Variants in SAAL1 observed in about 807,000 individuals in gnomAD.
SAAL1 encodes the protein protein SAAL1.
A neutral mutation model predicts 59.8 loss-of-function variants in SAAL1; 42 were observed. The observed-to-expected ratio is 0.70, with a 90% CI of 0.55 to 0.91. SAAL1 has a LOEUF of 0.91. SAAL1 is among the 40% of genes least tolerant of loss of function. The pLI, the probability that SAAL1 is intolerant of heterozygous loss-of-function variation, is 0.00. For synonymous variants in SAAL1, 191 were observed against 194.3 expected (o/e 0.98, Z 0.14); for missense variants, 542 against 561.1 (o/e 0.97, Z 0.34).
At chr11:18,086,841 T>C (rs763887471) in intron 9 of SAAL1, 25 bp downstream of exon 9, 2 of 1,443,960 alleles carry the variant, frequency 1.4e-6, no homozygotes, top group South Asian at 3.2e-5. Context: ...TGAAAAACAG[T>C]ATGAGCCTGG....
chr11:18,090,325 C>CAAAA, intron 5 of SAAL1, 35 bp from the exon 6 acceptor site: 56 of 1,294,232 alleles, frequency 4.3e-5, no homozygotes, highest in African/African-American at 2.3e-4. Context: ...TTCTACTTTT[C>CAAAA]AAAAAAAAAA....
chr11:18,091,863 G>T (rs1166127550), intron 4 of SAAL1, among the ~76,000 whole-genome samples: 1 of 152,142 alleles, frequency 6.6e-6, no homozygotes, highest in Non-Finnish European at 1.5e-5. Context: ...AGAGCTCTCA[G>T]GATGACATTA....
At chr11:18,095,535 T>C (rs970840661) in intron 3 of SAAL1, among the ~76,000 whole-genome samples, 12 of 152,252 alleles carry the variant, frequency 7.9e-5, no homozygotes, top group African/African-American at 2.4e-4. Context: ...AAGTCAGGCC[T>C]AGGCTGAAAT....
rs1210067975 is a variant in SAAL1 at position 18,096,711 on chromosome 11, T to C, written c.333+60A>G. The C allele has an allele frequency of 4.6e-6, 4 of 867,364 alleles. No homozygotes were observed. In the East Asian group the frequency reaches 7.3e-5, roughly 16 times the overall value. 53.7% of individuals were successfully genotyped at this position (867,364 alleles called of 1,614,324 possible). On this transcript the variant is annotated intron_variant, in intron 3 of 11. Transcript: ENST00000524803. ...TCAAAGTGAGAAAAATAAAAGACTA[T>C]CCAGCACTATCTGTTCTTATTGCTT... is the stretch of plus-strand genomic sequence containing the variant.
At position 18,080,421 on chromosome 11, in the gene SAAL1, G is replaced by A. The variant is rs373100075; in HGVS notation, c.1403C>T (p.Pro468Leu). 1.3e-6 allele frequency: 2 copies of A among 1,594,238 alleles called. No individual in the cohort carries two copies. The highest frequency in any genetic ancestry group is 2.7e-5 in the African/African-American group (2 of 73,466). ...ALADDLEKNF[P>L]SLKVQT ...GTTTTAAGTCTGAACCTTCAAACTT[G>A]GGAAGTTTTTTTCCAAGTCATCAGC... is the stretch of plus-strand genomic sequence containing the variant. Residue 468 changes from proline to leucine, a missense_variant, in exon 12 of 12, where the codon CCA (proline) becomes CTA (leucine). Pro to Leu is a moderately conservative substitution (Grantham distance 98). Coordinates refer to ENST00000524803, the MANE Select transcript of SAAL1 (RefSeq NM_138421.3).
At chr11:18,085,004 A>C (rs1848448115) in intron 9 of SAAL1, among the ~76,000 whole-genome samples, 1 of 152,168 alleles carries the variant, frequency 6.6e-6, no homozygotes, top group Non-Finnish European at 1.5e-5. Flanking sequence ...GACCTCAGGT[A>C]ATCTGCCCGC....
intron 1 of SAAL1, 128 bp from the exon 2 acceptor site, chr11:18,103,474 C>A (rs1049418251): frequency 1.4e-6 from 1 of 713,936 alleles, no homozygotes; most frequent in Non-Finnish European, 2.5e-6. Context: ...TGATTCCTGG[C>A]CAGGGCCACT....
At chr11:18,084,115 T>TAG (rs1395325475) in intron 9 of SAAL1, among the ~76,000 whole-genome samples, 1 of 152,122 alleles carries the variant, frequency 6.6e-6, no homozygotes, top group Non-Finnish European at 1.5e-5. Context: ...GATGGGCGGG[T>TAG]AGCTTGAGCC....
chr11:18,096,142 C>T (rs1848573305), intron 3 of SAAL1, among the ~76,000 whole-genome samples: 1 of 152,150 alleles, frequency 6.6e-6, no homozygotes, highest in Admixed American at 6.5e-5. Flanking sequence ...GTTCCTTGTT[C>T]TGATACATAC....
At position 18,103,327 on chromosome 11, in the gene SAAL1, G is replaced by T. The variant is rs747165607; in HGVS notation, c.155C>A (p.Thr52Asn). 2 of 1,613,270 alleles carry T rather than the reference G, an allele frequency of 1.2e-6. No individual in the cohort carries two copies. Among genetic ancestry groups the T allele is most frequent in the Admixed American group, 1.7e-5 (1 of 60,020 alleles). ...GLIQIVSPEN[T>N]KSSSDDEEQL... ...CTCCTCATCATCTGAGCTAGATTTG[G>T]TGTTTTCAGGGCTAACAATCTTCAG... The change falls in exon 2 of 12, where the codon ACC (threonine) becomes AAC (asparagine). Residue 52 changes from threonine to asparagine, a missense_variant. Thr to Asn is a moderately conservative substitution (Grantham distance 65). Transcript: ENST00000524803.
At chr11:18,091,152 G>C (rs1175125815) in intron 4 of SAAL1, among the ~76,000 whole-genome samples, 1 of 152,150 alleles carries the variant, frequency 6.6e-6, no homozygotes, top group Non-Finnish European at 1.5e-5. Context: ...TTTGTTAAGA[G>C]TTATCCTGAT....
In SAAL1 at chr11:18,101,820, TA is replaced by T. The variant is rs58015469; in HGVS notation, c.249+1412del. 5.1e-3 allele frequency among the ~76,000 whole-genome samples: 574 copies of T among 113,138 alleles called. 3 individuals are homozygous for T. Among genetic ancestry groups the T allele is most frequent in the Admixed American group, 8.7e-3 (89 of 10,192 alleles). 74.2% of individuals were successfully genotyped at this position (113,138 alleles called of 152,430 possible). Reference sequence around the variant, plus strand: ...CATATAATGGAATACCATTCAGCAATAAAAAAAAAAAAAAAAGCCACTGATA... The same window carrying T: ...CATATAATGGAATACCATTCAGCAATAAAAAAAAAAAAAAAGCCACTGATA... On this transcript the variant is annotated intron_variant, in intron 2 of 11. Coordinates refer to ENST00000524803, the MANE Select transcript of SAAL1 (RefSeq NM_138421.3).
intron 4 of SAAL1, among the ~76,000 whole-genome samples, chr11:18,091,312 T>A (rs1249722686): frequency 6.6e-6 from 1 of 152,240 alleles, no homozygotes; most frequent in Non-Finnish European, 1.5e-5. Flanking sequence ...CACACTAATA[T>A]TAAGACAAGC....
Position 18,090,274 on chromosome 11 carries a change from G to A in SAAL1, c.490C>T (p.Leu164Phe), listed in dbSNP as rs1370822438. Residue 164 changes from leucine (L) to phenylalanine (F), a missense_variant, in exon 6 of 12, where the codon CTT (leucine) becomes TTT (phenylalanine). Coordinates refer to ENST00000524803, the MANE Select transcript of SAAL1 (RefSeq NM_138421.3). ...ACACTGGCCACTTCTGCCTGGGAAA[G>A]GCAAGTAAGCAACAACCTACATGGT... ...LETSRLLLTC[L>F]SQAEVASVWV... The A allele has an allele frequency of 1.2e-6, 2 of 1,603,564 alleles. No individual in the cohort carries two copies. Among genetic ancestry groups the A allele is most frequent in the Admixed American group, 1.7e-5 (1 of 57,792 alleles).
At chr11:18,085,020 C>A (rs1848448372) in intron 9 of SAAL1, among the ~76,000 whole-genome samples, 1 of 152,150 alleles carries the variant, frequency 6.6e-6, no homozygotes, top group Admixed American at 6.5e-5. Flanking sequence ...CCCGCCTCAG[C>A]CTCCCAAAGT....
In SAAL1 at chr11:18,083,637, CT is replaced by C; in HGVS notation, c.1136del (p.Glu379GlyfsTer8). The C allele has an allele frequency of 6.2e-7, 1 of 1,610,032 alleles. No homozygotes were observed. Among genetic ancestry groups the C allele is most frequent in the Middle Eastern group, 1.7e-4 (1 of 6,050 alleles). On this transcript the variant is annotated frameshift_variant, in exon 10 of 12. Coordinates refer to ENST00000524803, the MANE Select transcript of SAAL1 (RefSeq NM_138421.3). LOFTEE classifies it high-confidence loss of function. The part of the protein sequence containing the change: ...KPENSAESNT[E>X]ETKRTDLTQD... ...GGGTTAAATCAGTCCTTTTAGTTTC[CT>C]CTGTGTTAGACTCTGCCGAGTTCTC... is the stretch of plus-strand genomic sequence containing the variant.
chr11:18,094,845 C>T (rs1305260665), intron 3 of SAAL1, among the ~76,000 whole-genome samples: 3 of 152,112 alleles, frequency 2.0e-5, no homozygotes, highest in African/African-American at 4.8e-5. Context: ...CCCTTATAAA[C>T]TAAAGAGGGA....
chr11:18,083,523 C>A lies in SAAL1; in HGVS notation c.1239+12G>T, dbSNP rs1429729399. ...TCTTTTGCTTATGACATCATCAATA[C>A]TTCTTTCCTACCTTTGTTAATGCCT... On this transcript the variant is annotated intron_variant, in intron 10 of 11. Coordinates refer to ENST00000524803, the MANE Select transcript of SAAL1 (RefSeq NM_138421.3). The A allele has an allele frequency of 4.0e-6, 6 of 1,508,826 alleles. No individual in the cohort carries two copies. Among genetic ancestry groups the A allele is most frequent in the African/African-American group, 1.4e-5 (1 of 72,522 alleles). The allele number at this position is 1,508,826 out of a possible 1,614,324, so 93.5% of individuals were successfully genotyped here.
intron 1 of SAAL1, 44 bp downstream of exon 1, chr11:18,105,863 T>G (rs1389233635): frequency 6.6e-7 from 1 of 1,523,270 alleles, no homozygotes; most frequent in Non-Finnish European, 8.8e-7. Flanking sequence ...CCCCGGTGCC[T>G]GGGGGATGTA....
Sources: gnomAD v4.1 joint callset for allele counts (sites outside exome capture counted in the v4.1 genomes callset) on GRCh38, gnomAD v4.1.1 for gene constraint, MANE v1.5 for transcripts, NCBI Gene and HGNC (gene_info 2026-07-23, HGNC 2026-07-21) for gene names.